The following SUPT20H variants were observed in gnomAD, a reference collection of about 807,000 sequenced individuals.
The protein encoded by SUPT20H is transcription factor SPT20 homolog.
A neutral mutation model predicts 122.8 loss-of-function variants in SUPT20H; 82 were observed. That is an observed-to-expected ratio of 0.67 (90% confidence interval 0.56 to 0.80). SUPT20H has a LOEUF of 0.80. Ranked by LOEUF, SUPT20H falls within the 30% of genes least tolerant of loss-of-function variation. SUPT20H has a pLI of 0.00. For synonymous variants in SUPT20H, 291 were observed against 313.0 expected (o/e 0.93, Z 0.74); for missense variants, 831 against 921.6 (o/e 0.90, Z 1.27).
At chr13:37,018,150 T>A (rs1425598971) in intron 22 of SUPT20H, among the ~76,000 whole-genome samples, 1 of 151,832 alleles carries the variant, frequency 6.6e-6, no homozygotes, top group Non-Finnish European at 1.5e-5. Flanking sequence ...AATCCTTGGG[T>A]CAAAGTATCT....
chr13:37,017,744 GCCACCCCTCAT>G (rs2060764474), intron 22 of SUPT20H, among the ~76,000 whole-genome samples: 1 of 152,048 alleles, frequency 6.6e-6, no homozygotes, highest in Non-Finnish European at 1.5e-5. Flanking sequence ...ACTACGAAAA[GCCACCCCTCAT>G]AAATTTGTTC....
Position 37,047,932 on chromosome 13 carries a change from A to T in SUPT20H, c.44T>A (p.Val15Asp). The T allele has an allele frequency of 6.2e-7, 1 of 1,602,520 alleles. No individual in the cohort carries two copies. The highest frequency in any genetic ancestry group is 1.1e-5 in the South Asian group (1 of 89,070). ...AGGTCTCTGTCGGGCACTTTCAATG[A>T]CATACTAAAAAACAAAAGTTTATGA... Reference protein sequence around the residue: ...LELALDRAEYVIESARQRPPK... With the variant: ...LELALDRAEYDIESARQRPPK... The change falls in exon 4 of 26, where the codon GTC becomes GAC. Residue 15 changes from valine (V) to aspartate (D), a missense_variant. Physicochemically the swap from Val to Asp is radical, Grantham distance 152. Transcript: ENST00000350612.
chr13:37,021,480 A>G lies in SUPT20H; in HGVS notation c.1784T>C (p.Leu595Pro), dbSNP rs760803976. ...AGAAGCTGCCTGCATTGCACTGGGC[A>G]GTGCATTTGGTAGCAGACCTCCTGA... ...LPSGGLLPNA[L>P]PSAMQAASQA... Residue 595 changes from leucine (L) to proline (P), a missense_variant, in exon 21 of 26, where the codon CTG becomes CCG. By Grantham distance (98) the Leu-to-Pro change is moderately conservative. Coordinates refer to ENST00000350612, the MANE Select transcript of SUPT20H (RefSeq NM_001014286.3). 1.2e-6 allele frequency: 2 copies of G among 1,613,990 alleles called. No individual in the cohort carries two copies. The highest frequency in any genetic ancestry group is 1.7e-6 in the Non-Finnish European group (2 of 1,179,934).
chr13:37,011,755 C>T (rs940554063), intron 24 of SUPT20H, among the ~76,000 whole-genome samples: 16 of 151,956 alleles, frequency 1.1e-4, no homozygotes, highest in African/African-American at 3.6e-4. Flanking sequence ...ATAAAAGTGA[C>T]TTACAGAAGT....
intron 23 of SUPT20H, among the ~76,000 whole-genome samples, chr13:37,016,414 C>T (rs964575702): frequency 3.9e-4 from 56 of 143,156 alleles, no homozygotes; most frequent in African/African-American, 1.2e-3. Flanking sequence ...TGGGCAACAG[C>T]GCGAGACTCT....
At chr13:37,042,444 G>A (rs78306534) in intron 7 of SUPT20H, among the ~76,000 whole-genome samples, 11 of 152,090 alleles carry the variant, frequency 7.2e-5, no homozygotes, top group Non-Finnish European at 1.2e-4. Context: ...GAAAAACAGA[G>A]AGCCAAGGAC....
intron 20 of SUPT20H, 146 bp downstream of exon 20, chr13:37,021,865 G>T: frequency 1.0e-6 from 1 of 972,274 alleles, no homozygotes. Flanking sequence ...AACATACATG[G>T]TCAGGCAGCT....
chr13:37,023,767 A>AT, intron 19 of SUPT20H: 1 of 283,700 alleles, frequency 3.5e-6, no homozygotes, highest in Non-Finnish European at 6.4e-6. Context: ...CTACCAGGTT[A>AT]TTTTTTTAAG....
chr13:37,040,483 A>G (rs1172886528), intron 8 of SUPT20H, 25 bp from the exon 9 acceptor site: 1 of 1,569,056 alleles, frequency 6.4e-7, no homozygotes, highest in Non-Finnish European at 8.6e-7. Context: ...AATTTAAAAA[A>G]CTTATTAATC....
In SUPT20H at chr13:37,010,022, C is replaced by A. The variant is rs529596888; in HGVS notation, c.2203-213G>T. On this transcript the variant is annotated intron_variant, in intron 25 of 25. Coordinates refer to ENST00000350612, the MANE Select transcript of SUPT20H (RefSeq NM_001014286.3). Reference sequence around the variant, plus strand: ...TTTAAAAATGATTCTTGGCAAACTTCAAAATTATTTGTTACTTTGCCCTGC... The same window carrying A: ...TTTAAAAATGATTCTTGGCAAACTTAAAAATTATTTGTTACTTTGCCCTGC... Among the ~76,000 whole-genome samples, 14 of 152,284 alleles carry A rather than the reference C, an allele frequency of 9.2e-5. No homozygotes were observed. In the South Asian group the frequency reaches 2.7e-3, roughly 29 times the overall value.
chr13:37,027,636 A>C (rs919346328), intron 14 of SUPT20H, among the ~76,000 whole-genome samples: 1 of 152,154 alleles, frequency 6.6e-6, no homozygotes, highest in African/African-American at 2.4e-5. Context: ...AGTAAAACAA[A>C]ATAAAACTAA....
intron 6 of SUPT20H, 59 bp from the exon 7 acceptor site, chr13:37,044,240 A>G: frequency 3.0e-6 from 4 of 1,340,866 alleles, no homozygotes; most frequent in Admixed American, 4.2e-5. Context: ...TAGCTGTATA[A>G]TTCAAATGGC....
chr13:37,014,970 G>A (rs1231281727), intron 23 of SUPT20H, among the ~76,000 whole-genome samples: 1 of 152,082 alleles, frequency 6.6e-6, no homozygotes, highest in Non-Finnish European at 1.5e-5. Flanking sequence ...AATTAGACTG[G>A]CATCAGATTT....
chr13:37,009,585 C>T lies in SUPT20H; in HGVS notation c.*87G>A. ...CATCTAGCAATGTAAAATACTGACACATTAAAAAAAACAAAAAGTAGAAAC... is the reference window on the plus strand; with the variant it reads ...CATCTAGCAATGTAAAATACTGACATATTAAAAAAAACAAAAAGTAGAAAC... On this transcript the variant is annotated 3_prime_UTR_variant, in exon 26 of 26. Transcript: ENST00000350612. 2.0e-6 allele frequency: 3 copies of T among 1,481,660 alleles called. No individual in the cohort carries two copies. Among genetic ancestry groups the T allele is most frequent in the Non-Finnish European group, 2.8e-6 (3 of 1,061,556 alleles). 91.8% of individuals were successfully genotyped at this position (1,481,660 alleles called of 1,614,324 possible). A position where few individuals can be genotyped will look rare whatever the true frequency, so the allele number is the denominator to read the frequency against.
At chr13:37,051,235 T>C (rs2067615667) in intron 2 of SUPT20H, among the ~76,000 whole-genome samples, 1 of 152,226 alleles carries the variant, frequency 6.6e-6, no homozygotes, top group African/African-American at 2.4e-5. Flanking sequence ...AAAGTAGATA[T>C]AGGTAAATAT....
rs1172857350 is a variant in SUPT20H, at chr13:37,051,360, T to C, written c.3+128A>G. 9 of 894,520 alleles carry C rather than the reference T, an allele frequency of 1.0e-5. No individual in the cohort carries two copies. In the East Asian group the frequency reaches 2.1e-4, roughly 21 times the overall value. 55.4% of individuals were successfully genotyped at this position (894,520 alleles called of 1,614,324 possible). On this transcript the variant is annotated intron_variant, in intron 2 of 25. Transcript: ENST00000350612. ...ACTTTGCAATGGGATTGCTAAGTAA[T>C]TTCCCAGTTGGGATAACCTGTACAG... is the stretch of plus-strand genomic sequence containing the variant.
chr13:37,044,574 T>C (rs1385558939), intron 6 of SUPT20H, among the ~76,000 whole-genome samples: 1 of 152,190 alleles, frequency 6.6e-6, no homozygotes, highest in East Asian at 1.9e-4. Context: ...AAAATTCTCT[T>C]GGTGTTACAC....
At chr13:37,025,950 A>C (rs1044800241) in intron 16 of SUPT20H, 9 of 347,302 alleles carry the variant, frequency 2.6e-5, no homozygotes, top group African/African-American at 4.2e-5. Context: ...AACCATTCTT[A>C]GTAGTTTGGT....
chr13:37,024,171 C>T lies in SUPT20H; in HGVS notation c.1455G>A (p.Gln485=). 1 of 1,613,268 alleles carries T rather than the reference C, an allele frequency of 6.2e-7. No homozygotes were observed. Among genetic ancestry groups the T allele is most frequent in the Non-Finnish European group, 8.5e-7 (1 of 1,179,634 alleles). Reference sequence around the variant, plus strand: ...TTGGAGATTTGAGAAAGCTGCTTGTCTGTTGTGGTGTAAAATAGTTACCTA... The same window carrying T: ...TTGGAGATTTGAGAAAGCTGCTTGTTTGTTGTGGTGTAAAATAGTTACCTA... ...SSSGNYFTPQ[Q]TSSFLKSPTP... is the part of the protein sequence containing the mutation. The change falls in exon 19 of 26, where the codon CAG becomes CAA. Residue 485 remains glutamine (Q), a synonymous_variant. Coordinates refer to ENST00000350612, the MANE Select transcript of SUPT20H (RefSeq NM_001014286.3).
Sources: allele counts gnomAD v4.1 joint callset (sites outside exome capture counted in the v4.1 genomes callset), GRCh38; gene constraint gnomAD v4.1.1; transcripts MANE v1.5; gene names NCBI Gene and HGNC (gene_info 2026-07-23, HGNC 2026-07-21).